The following MFSD2B variants were observed in gnomAD, a reference collection of about 807,000 sequenced individuals.
MFSD2B encodes MFSD2 lysolipid transporter B, sphingolipid.
In MFSD2B, 56 loss-of-function variants were observed where a neutral mutation model predicts 58.4. The observed-to-expected ratio is 0.96, with a 90% CI of 0.77 to 1.20. The LOEUF is 1.20. Ranked by LOEUF, MFSD2B falls within the 50% of genes most tolerant of loss-of-function variation. The pLI is 0.00. For missense variants in MFSD2B, 645 were observed against 667.6 expected, an observed-to-expected ratio of 0.97 and a Z score of 0.37; for synonymous variants, 287 against 294.4, an observed-to-expected ratio of 0.97 and a Z score of 0.26.
Position 24,012,538 on chromosome 2 carries a change from G to A in MFSD2B, c.97-747G>A, listed in dbSNP as rs1329184286. The stretch of plus-strand genomic sequence containing the variant: ...GGTTTATAGGGATGAGCCACTGTGC[G>A]ATTTATGTTATTACAAGAGCACTGG... On this transcript the variant is annotated intron_variant, in intron 1 of 13. Coordinates refer to ENST00000338315, the MANE Select transcript of MFSD2B (RefSeq NM_001346880.2). This position sits in a 1 kb window ranked among gnomAD's most constrained non-coding sequence, Gnocchi z 4.5. Among the ~76,000 whole-genome samples, 1 of 152,170 alleles carries A rather than the reference G, an allele frequency of 6.6e-6. No individual in the cohort carries two copies. Among genetic ancestry groups the A allele is most frequent in the African/African-American group, 2.4e-5 (1 of 41,426 alleles).
At position 24,016,748 on chromosome 2, in the gene MFSD2B, C is replaced by CA. The variant is rs1223170944; in HGVS notation, c.348-95dup. 4 of 1,473,956 alleles carry CA rather than the reference C, an allele frequency of 2.7e-6. No homozygotes were observed. In the East Asian group the frequency reaches 9.4e-5, roughly 35 times the overall value. The allele number at this position is 1,473,956 out of a possible 1,614,324, so 91.3% of individuals were successfully genotyped here. ...CAGGGCGCCCCAGCCTAGGGATTCT[C>CA]AAGGGGCAGAGAAGGGGTGGGGTTC... is the stretch of plus-strand genomic sequence containing the variant. On this transcript the variant is annotated intron_variant, in intron 3 of 13. Transcript: ENST00000338315.
intron 4 of MFSD2B, 30 bp downstream of exon 4, chr2:24,016,998 T>C (rs1412335809): frequency 6.2e-7 from 1 of 1,612,166 alleles, no homozygotes; most frequent in Non-Finnish European, 8.5e-7. Flanking sequence ...GGGCCTGTGC[T>C]CTGGCGAAGC....
At position 24,021,822 on chromosome 2, in the gene MFSD2B, C is replaced by G; in HGVS notation, c.773-27C>G. 1 of 1,613,632 alleles carries G rather than the reference C, an allele frequency of 6.2e-7. No individual in the cohort carries two copies. Among genetic ancestry groups the G allele is most frequent in the Non-Finnish European group, 8.5e-7 (1 of 1,179,630 alleles). Reference sequence around the variant, plus strand: ...GGTTTTGCTTTTGAACTCTGCGAAGCCAAGGTGACACGCTTCTGCGTTGCA... The same window carrying G: ...GGTTTTGCTTTTGAACTCTGCGAAGGCAAGGTGACACGCTTCTGCGTTGCA... On this transcript the variant is annotated intron_variant, in intron 7 of 13. Transcript: ENST00000338315. This position sits in a 1 kb window ranked among gnomAD's most constrained non-coding sequence, Gnocchi z 5.7.
chr2:24,023,064 G>A lies in MFSD2B; in HGVS notation c.1060-66G>A, dbSNP rs1662856370. 11 of 1,423,618 alleles carry A rather than the reference G, an allele frequency of 7.7e-6. No homozygotes were observed. The highest frequency in any genetic ancestry group is 2.3e-5 in the East Asian group (1 of 44,048). 88.2% of individuals were successfully genotyped at this position (1,423,618 alleles called of 1,614,324 possible). A position where few individuals can be genotyped will look rare whatever the true frequency, so the allele number is the denominator to read the frequency against. On this transcript the variant is annotated intron_variant, in intron 10 of 13. Transcript: ENST00000338315. This position sits in a 1 kb window ranked among gnomAD's most constrained non-coding sequence, Gnocchi z 5.0. ...AGGCATGGGGGTCGTCAGTCGAGTC[G>A]TGTGTGAAGGAGCAGGCCCCACGAA...
rs1662869407 is a variant in MFSD2B, at chr2:24,023,406, G to A, written c.1169+167G>A. The stretch of plus-strand genomic sequence containing the variant: ...ACATCAGGCAGTAGGAATGGCGGGG[G>A]GCCGGCAGGGGGCTGGCGGGGGGTA... On this transcript the variant is annotated intron_variant, in intron 11 of 13. Coordinates refer to ENST00000338315, the MANE Select transcript of MFSD2B (RefSeq NM_001346880.2). This position sits in a 1 kb window ranked among gnomAD's most constrained non-coding sequence, Gnocchi z 5.0. 2.2e-6 allele frequency: 2 copies of A among 912,456 alleles called. No individual in the cohort carries two copies. Among genetic ancestry groups the A allele is most frequent in the Non-Finnish European group, 3.3e-6 (2 of 600,608 alleles). The allele number at this position is 912,456 out of a possible 1,614,324, so 56.5% of individuals were successfully genotyped here. A position where few individuals can be genotyped will look rare whatever the true frequency, so the allele number is the denominator to read the frequency against.
chr2:24,024,338 C>G lies in MFSD2B; in HGVS notation c.1490+67C>G. 1.4e-6 allele frequency: 2 copies of G among 1,462,208 alleles called. No individual in the cohort carries two copies. Among genetic ancestry groups the G allele is most frequent in the Non-Finnish European group, 9.3e-7 (1 of 1,080,916 alleles). 90.6% of individuals were successfully genotyped at this position (1,462,208 alleles called of 1,614,324 possible). ...GGGCTGCTGGGGGAATGACTAACAC[C>G]AGCCTGCAGACATCCCTGCTGTGTC... is the stretch of plus-strand genomic sequence containing the variant. On this transcript the variant is annotated intron_variant, in intron 13 of 13. Coordinates refer to ENST00000338315, the MANE Select transcript of MFSD2B (RefSeq NM_001346880.2). The surrounding 1 kb of genome is among the most constrained non-coding windows in gnomAD (Gnocchi z 4.3).
rs1455693332 is a variant in MFSD2B at position 24,020,304 on chromosome 2, A to C, written c.682-1344A>C. Among the ~76,000 whole-genome samples, 1 of 152,188 alleles carries C rather than the reference A, an allele frequency of 6.6e-6. No homozygotes were observed. Among genetic ancestry groups the C allele is most frequent in the African/African-American group, 2.4e-5 (1 of 41,440 alleles). ...ACTGTCCCATCAGATTTCACTTACAAAATTGAAATCCATTATAAAATTATT... is the reference window on the plus strand; with the variant it reads ...ACTGTCCCATCAGATTTCACTTACACAATTGAAATCCATTATAAAATTATT... On this transcript the variant is annotated intron_variant, in intron 6 of 13. Transcript: ENST00000338315. This position sits in a 1 kb window ranked among gnomAD's most constrained non-coding sequence, Gnocchi z 4.1.
rs986045982 is a variant in MFSD2B, at chr2:24,024,228, A to G, written c.1447A>G (p.Lys483Glu). The change falls in exon 13 of 14, where the codon AAG becomes GAG. Residue 483 changes from lysine (K) to glutamate (E), a missense_variant. Transcript: ENST00000338315. The surrounding 1 kb of genome is among the most constrained non-coding windows in gnomAD (Gnocchi z 4.3). ...CATCCTCATGGTCGGCTCCACTCCA[A>G]AGACACCCAGTCGGGACGCCTCCAG... ...LCILMVGSTP[K>E]TPSRDASSRL... is the part of the protein sequence containing the mutation. 6.2e-7 allele frequency: 1 copy of G among 1,612,842 alleles called. No homozygotes were observed. Among genetic ancestry groups the G allele is most frequent in the African/African-American group, 1.3e-5 (1 of 74,982 alleles).
chr2:24,025,364 C>A, intron 13 of MFSD2B, 68 bp from the exon 14 acceptor site: 1 of 1,453,734 alleles, frequency 6.9e-7, no homozygotes, highest in South Asian at 1.2e-5. Flanking sequence ...CTTCCGCGGG[C>A]TTCTGCGGCA....
Position 24,016,869 on chromosome 2 carries a change from C to A in MFSD2B, c.372C>A (p.Ile124=), listed in dbSNP as rs766988877. 1.9e-6 allele frequency: 3 copies of A among 1,613,756 alleles called. No individual in the cohort carries two copies. Among genetic ancestry groups the A allele is most frequent in the Non-Finnish European group, 2.5e-6 (3 of 1,179,852 alleles). ...GGGTGCTGGGCTGCACCCCCTTCATCGCCCTGGCCTACTTCTTCCTGTGGT... is the reference window on the plus strand; with the variant it reads ...GGGTGCTGGGCTGCACCCCCTTCATAGCCCTGGCCTACTTCTTCCTGTGGT... The part of the protein sequence containing the change: ...MPWVLGCTPF[I]ALAYFFLWFL... The change falls in exon 4 of 14, where the codon ATC becomes ATA. Residue 124 remains isoleucine (I), a synonymous_variant. Coordinates refer to ENST00000338315, the MANE Select transcript of MFSD2B (RefSeq NM_001346880.2).
rs748700399 is a variant in MFSD2B, at chr2:24,010,281, G to A, written c.96+89G>A. 3.9e-4 allele frequency: 418 copies of A among 1,070,022 alleles called. 2 individuals carry two copies. Among genetic ancestry groups the A allele is most frequent in the Non-Finnish European group, 5.0e-4 (409 of 819,310 alleles). The allele number at this position is 1,070,022 out of a possible 1,614,324, so 66.3% of individuals were successfully genotyped here. A position where few individuals can be genotyped will look rare whatever the true frequency, so the allele number is the denominator to read the frequency against. ...GCAGCCCCTTTTCCAGCTGGGGGCA[G>A]CCCGGAGGGGCTCGGCCCAAACCTG... On this transcript the variant is annotated intron_variant, in intron 1 of 13. Coordinates refer to ENST00000338315, the MANE Select transcript of MFSD2B (RefSeq NM_001346880.2).
At chr2:24,016,075 C>A in intron 2 of MFSD2B, 81 bp from the exon 3 acceptor site, 2 of 1,566,382 alleles carry the variant, frequency 1.3e-6, no homozygotes, top group Non-Finnish European at 1.7e-6. Flanking sequence ...CCAGGCCTCC[C>A]TCTTGATGGC....
In MFSD2B at chr2:24,017,243, C is replaced by G. The variant is rs1244454034; in HGVS notation, c.472-43C>G. ...GATGGGGGAGGTCGCCCGCTGTCAC[C>G]AGGCAAAGCTGGGGGCGGTTCTAAG... On this transcript the variant is annotated intron_variant, in intron 4 of 13. Transcript: ENST00000338315. This position sits in a 1 kb window ranked among gnomAD's most constrained non-coding sequence, Gnocchi z 4.8. 2 of 1,551,582 alleles carry G rather than the reference C, an allele frequency of 1.3e-6. No homozygotes were observed. Among genetic ancestry groups the G allele is most frequent in the African/African-American group, 2.7e-5 (2 of 73,142 alleles).
chr2:24,018,043 C>T lies in MFSD2B; in HGVS notation c.681+455C>T, dbSNP rs185611719. On this transcript the variant is annotated intron_variant, in intron 6 of 13. Coordinates refer to ENST00000338315, the MANE Select transcript of MFSD2B (RefSeq NM_001346880.2). ...TGAAATGAGAGGGGGAAGCCCCCTTCCTTCCCTTTCACGGCGGGTCCCTTC... is the reference window on the plus strand; with the variant it reads ...TGAAATGAGAGGGGGAAGCCCCCTTTCTTCCCTTTCACGGCGGGTCCCTTC... Among the ~76,000 whole-genome samples the T allele has an allele frequency of 2.7e-3, 410 of 152,310 alleles. 5 individuals carry two copies. Among genetic ancestry groups the T allele is most frequent in the Non-Finnish European group, 3.7e-3 (255 of 68,026 alleles).
At position 24,020,422 on chromosome 2, in the gene MFSD2B, C is replaced by T. The variant is rs750958822; in HGVS notation, c.682-1226C>T. On this transcript the variant is annotated intron_variant, in intron 6 of 13. Coordinates refer to ENST00000338315, the MANE Select transcript of MFSD2B (RefSeq NM_001346880.2). This position sits in a 1 kb window ranked among gnomAD's most constrained non-coding sequence, Gnocchi z 4.1. ...CAGGGCGGTTGCACAGGATGAGTGC[C>T]CTGCCCCACCCTGCGCCCTCCCTCT... Among the ~76,000 whole-genome samples the T allele has an allele frequency of 1.3e-5, 2 of 152,116 alleles. No individual in the cohort carries two copies. The highest frequency in any genetic ancestry group is 2.9e-5 in the Non-Finnish European group (2 of 67,992).
Position 24,010,139 on chromosome 2 carries a change from C to G in MFSD2B, c.43C>G (p.Pro15Ala). The G allele has an allele frequency of 6.8e-7, 1 of 1,463,758 alleles. No individual in the cohort carries two copies. The highest frequency in any genetic ancestry group is 9.0e-7 in the Non-Finnish European group (1 of 1,114,364). 90.7% of individuals were successfully genotyped at this position (1,463,758 alleles called of 1,614,324 possible). A position where few individuals can be genotyped will look rare whatever the true frequency, so the allele number is the denominator to read the frequency against. The change falls in exon 1 of 14, where the codon CCG becomes GCG. Residue 15 changes from proline (P) to alanine (A), a missense_variant. Transcript: ENST00000338315. ...ACCAGCCGCCAAGGGGTCCCCGCAG[C>G]CGGAGCCGCACGCCCCAGAGCCCGG... ...PAPAAKGSPQ[P>A]EPHAPEPGPG...
In MFSD2B at chr2:24,023,616, G is replaced by C. The variant is rs1662879507; in HGVS notation, c.1203G>C (p.Gln401His). Residue 401 changes from glutamine to histidine, a missense_variant, in exon 12 of 14, where the codon CAG becomes CAC. Transcript: ENST00000338315. The surrounding 1 kb of genome is among the most constrained non-coding windows in gnomAD (Gnocchi z 5.0). ...TGCCAGACGTGGTGGATGACTTTCAGCTGCAGCACCGTCACGGGCCAGGCC... is the reference window on the plus strand; with the variant it reads ...TGCCAGACGTGGTGGATGACTTTCACCTGCAGCACCGTCACGGGCCAGGCC... ...SMLPDVVDDF[Q>H]LQHRHGPGLE... The C allele has an allele frequency of 1.2e-6, 2 of 1,613,822 alleles. No individual in the cohort carries two copies. Among genetic ancestry groups the C allele is most frequent in the Non-Finnish European group, 8.5e-7 (1 of 1,179,846 alleles).
chr2:24,018,863 T>TC (rs1662638063), intron 6 of MFSD2B: 1 of 152,058 alleles, frequency 6.6e-6, no homozygotes, highest in Non-Finnish European at 1.5e-5. Flanking sequence ...TTTTTTTTTT[T>TC]TTTTTGAGAC....
At chr2:24,014,433 C>T (rs773335220) in intron 2 of MFSD2B, among the ~76,000 whole-genome samples, 8 of 152,266 alleles carry the variant, frequency 5.3e-5, no homozygotes, top group Non-Finnish European at 1.0e-4. Context: ...GGATTACAGG[C>T]GTGAGCCACC....
Sources: allele counts gnomAD v4.1 joint callset (sites outside exome capture counted in the v4.1 genomes callset), GRCh38; gene constraint gnomAD v4.1.1; non-coding constraint Gnocchi (gnomAD v3.1); transcripts MANE v1.5; gene names NCBI Gene and HGNC (gene_info 2026-07-23, HGNC 2026-07-21).